The following NRG1 variants were observed in gnomAD, a reference collection of about 807,000 sequenced individuals.
NRG1 encodes the protein pro-neuregulin-1, membrane-bound isoform.
A neutral mutation model predicts 63.8 loss-of-function variants in NRG1; 18 were observed. The ratio of observed to expected loss-of-function variants is 0.28; its 90% CI spans 0.19 to 0.42. NRG1 has a LOEUF of 0.42. Among genes scored for constraint, NRG1 ranks in the 10% least tolerant of loss-of-function variants. The probability of loss-of-function intolerance (pLI) is 1.00; values close to 1 mark genes in which losing one functional copy is unlikely to be tolerated. For synonymous variants in NRG1, 302 were observed against 301.3 expected (o/e 1.00, Z -0.02); for missense variants, 762 against 814.7 (o/e 0.94, Z 0.79).
intron 1 of NRG1, among the ~76,000 whole-genome samples, chr8:31,855,590 T>C (rs1370116705): frequency 6.6e-6 from 1 of 152,248 alleles, no homozygotes; most frequent in Non-Finnish European, 1.5e-5. Context: ...TGTCTTTTAA[T>C]TGGAGCATTT....
chr8:32,720,100 T>G (rs1373603909), intron 5 of NRG1, among the ~76,000 whole-genome samples: 1 of 152,130 alleles, frequency 6.6e-6, no homozygotes, highest in African/African-American at 2.4e-5. Flanking sequence ...CATTTCTAAG[T>G]GGGCTTTAGT....
At chr8:32,412,419 T>G (rs1815108536) in intron 1 of NRG1, among the ~76,000 whole-genome samples, 2 of 111,640 alleles carry the variant, frequency 1.8e-5, no homozygotes, top group South Asian at 6.4e-4. Context: ...TCTCTCTCTC[T>G]CTACATATAT....
chr8:32,033,762 G>T (rs1008157059), intron 1 of NRG1, among the ~76,000 whole-genome samples: 1 of 152,080 alleles, frequency 6.6e-6, no homozygotes, highest in East Asian at 1.9e-4. Flanking sequence ...GTTATTGTTG[G>T]TGTATAGAAT....
At chr8:32,695,223 C>T (rs375298539) in intron 5 of NRG1, among the ~76,000 whole-genome samples, 1 of 152,010 alleles carries the variant, frequency 6.6e-6, no homozygotes, top group African/African-American at 2.4e-5. Flanking sequence ...TATCTGTAAT[C>T]CCAGCTACTG....
At position 31,912,027 on chromosome 8, in the gene NRG1, G is replaced by C. The variant is rs146117632; in HGVS notation, c.37+272596G>C. On this transcript the variant is annotated intron_variant, in intron 1 of 10. Transcript: ENST00000519301. ...ATTCTGACCCCTAATTTCCTTATCT[G>C]AAAATGGTAAAAATCATACCTACCT... Among the ~76,000 whole-genome samples, 463 of 152,220 alleles carry C rather than the reference G, an allele frequency of 3.0e-3. 4 individuals are homozygous for C. Among genetic ancestry groups the C allele is most frequent in the African/African-American group, 0.01 (420 of 41,542 alleles).
chr8:32,643,821 A>G (rs1308507355), intron 5 of NRG1, among the ~76,000 whole-genome samples: 1 of 152,212 alleles, frequency 6.6e-6, no homozygotes, highest in Non-Finnish European at 1.5e-5. Context: ...CTTATTTTGG[A>G]AACTAGATCC....
At chr8:32,031,370 A>G (rs1586608252) in intron 1 of NRG1, among the ~76,000 whole-genome samples, 2 of 152,314 alleles carry the variant, frequency 1.3e-5, no homozygotes, top group Admixed American at 1.3e-4. Context: ...GCTGCTGCAC[A>G]GTCACTCCAG....
intron 1 of NRG1, among the ~76,000 whole-genome samples, chr8:32,196,936 G>T (rs1209543290): frequency 1.5e-5 from 1 of 67,438 alleles, no homozygotes; most frequent in Non-Finnish European, 3.2e-5. Context: ...CCTGTTCTCA[G>T]AACATTCTTT....
intron 1 of NRG1, among the ~76,000 whole-genome samples, chr8:31,887,372 CA>C (rs1830801232): frequency 6.6e-6 from 1 of 152,052 alleles, no homozygotes; most frequent in African/African-American, 2.4e-5. Flanking sequence ...TATAATACAT[CA>C]ATAAGATTTT....
At chr8:31,736,311 A>C (rs940785487) in intron 1 of NRG1, among the ~76,000 whole-genome samples, 5 of 152,098 alleles carry the variant, frequency 3.3e-5, no homozygotes, top group Non-Finnish European at 5.9e-5. Flanking sequence ...GTTTCTGTCC[A>C]CATGCCACTT....
chr8:32,078,145 C>T (rs903723990), intron 1 of NRG1, among the ~76,000 whole-genome samples: 4 of 152,192 alleles, frequency 2.6e-5, no homozygotes, highest in South Asian at 2.1e-4. Flanking sequence ...TGTTGAAATG[C>T]GACCTCCTCA....
chr8:32,207,331 G>A (rs1219757264), intron 1 of NRG1, among the ~76,000 whole-genome samples: 1 of 151,784 alleles, frequency 6.6e-6, no homozygotes, highest in Non-Finnish European at 1.5e-5. Flanking sequence ...TTCTCTTAAT[G>A]CCATTACTCG....
chr8:31,945,562 C>T (rs1802415209), intron 1 of NRG1, among the ~76,000 whole-genome samples: 2 of 152,170 alleles, frequency 1.3e-5, no homozygotes, highest in Non-Finnish European at 2.9e-5. Context: ...TTGCCATCTG[C>T]AGTTCGGAGC....
intron 1 of NRG1, among the ~76,000 whole-genome samples, chr8:32,033,721 G>T (rs1401566983): frequency 6.6e-6 from 1 of 152,062 alleles, no homozygotes; most frequent in Non-Finnish European, 1.5e-5. Context: ...TTGTGAATAG[G>T]AGTTCATATT....
intron 1 of NRG1, among the ~76,000 whole-genome samples, chr8:31,946,199 G>A (rs1274039422): frequency 6.6e-6 from 1 of 152,086 alleles, no homozygotes; most frequent in Admixed American, 6.5e-5. Flanking sequence ...TTAAATCCCA[G>A]TTTTATTGAC....
intron 1 of NRG1, among the ~76,000 whole-genome samples, chr8:32,492,494 G>T (rs1465177807): frequency 6.7e-6 from 1 of 149,558 alleles, no homozygotes; most frequent in Non-Finnish European, 1.5e-5. Flanking sequence ...GATCTGAGTT[G>T]CAGTGCAGCA....
At chr8:32,761,778 C>T (rs1224979833) in intron 11 of NRG1, among the ~76,000 whole-genome samples, 2 of 151,812 alleles carry the variant, frequency 1.3e-5, no homozygotes, top group Admixed American at 6.6e-5. Flanking sequence ...CGGTGGCTCA[C>T]GCCTCTAATC....
intron 1 of NRG1, among the ~76,000 whole-genome samples, chr8:32,366,261 C>T (rs1435237399): frequency 6.6e-6 from 1 of 152,032 alleles, no homozygotes. Context: ...ACTGTAGTCA[C>T]CCTACTGTGC....
Position 32,700,564 on chromosome 8 carries a change from A to C in NRG1, c.503-27385A>C, listed in dbSNP as rs553461851. Among the ~76,000 whole-genome samples, 36 of 152,310 alleles carry C rather than the reference A, an allele frequency of 2.4e-4. No homozygotes were observed. The South Asian group carries it at 6.8e-3, about 29-fold the overall frequency. On this transcript the variant is annotated intron_variant, in intron 5 of 11. Transcript: ENST00000356819. ...TTTATTCAACTAGTATTATCTTTTCACTACAAACACAATAAATCCTGGTTT... is the reference window on the plus strand; with the variant it reads ...TTTATTCAACTAGTATTATCTTTTCCCTACAAACACAATAAATCCTGGTTT...
Sources: gnomAD v4.1 joint callset for allele counts (sites outside exome capture counted in the v4.1 genomes callset) on GRCh38, gnomAD v4.1.1 for gene constraint, MANE v1.5 for transcripts, NCBI Gene and HGNC (gene_info 2026-07-23, HGNC 2026-07-21) for gene names.